The following CDH13 variants were observed in gnomAD, a reference collection of about 807,000 sequenced individuals.
CDH13 encodes the protein cadherin-13.
In CDH13, 24 loss-of-function variants were observed where a neutral mutation model predicts 63.8. The ratio of observed to expected loss-of-function variants is 0.38; its 90% CI spans 0.27 to 0.53. The LOEUF is 0.53. CDH13 is among the 20% of genes least tolerant of loss of function. The pLI is 0.85. For missense variants in CDH13, 1,049 were observed against 903.1 expected (o/e 1.16, Z -2.07); for synonymous variants, 503 against 355.3 (o/e 1.42, Z -4.67).
rs368062630 is a variant in CDH13 at position 82,803,611 on chromosome 16, G to T, written c.46-54751G>T. 6.6e-5 allele frequency among the ~76,000 whole-genome samples: 10 copies of T among 152,274 alleles called. No individual in the cohort carries two copies. The East Asian group carries it at 1.9e-3, about 29-fold the overall frequency. On this transcript the variant is annotated intron_variant, in intron 1 of 13. Transcript: ENST00000567109. Reference sequence around the variant, plus strand: ...TGAAAAGAAGAATAATGAAACTGTGGTATATGCATGCCGTGGGATATCATT... The same window carrying T: ...TGAAAAGAAGAATAATGAAACTGTGTTATATGCATGCCGTGGGATATCATT...
chr16:83,343,291 T>G (rs1410684140), intron 5 of CDH13, among the ~76,000 whole-genome samples: 2 of 152,222 alleles, frequency 1.3e-5, no homozygotes, highest in Non-Finnish European at 2.9e-5. Flanking sequence ...TTTGTGTATT[T>G]TTACTCAATA....
chr16:82,900,854 C>T lies in CDH13; in HGVS notation c.157+42381C>T, dbSNP rs551645883. Among the ~76,000 whole-genome samples, 4 of 152,308 alleles carry T rather than the reference C, an allele frequency of 2.6e-5. No homozygotes were observed. In the South Asian group the frequency reaches 8.3e-4, roughly 32 times the overall value. On this transcript the variant is annotated intron_variant, in intron 2 of 13. Transcript: ENST00000567109. Reference sequence around the variant, plus strand: ...AGAAATTCTATGGCAGAAACTTCCCCAGGCAGGAGACTCAGAATTAATTGT... The same window carrying T: ...AGAAATTCTATGGCAGAAACTTCCCTAGGCAGGAGACTCAGAATTAATTGT...
At chr16:83,678,951 G>A (rs1267041515) in intron 10 of CDH13, among the ~76,000 whole-genome samples, 1 of 152,180 alleles carries the variant, frequency 6.6e-6, no homozygotes, top group Non-Finnish European at 1.5e-5. Context: ...ATGGAAACAG[G>A]ACACTCTGCA....
intron 5 of CDH13, among the ~76,000 whole-genome samples, chr16:83,317,195 C>T (rs554101998): frequency 6.6e-6 from 1 of 152,114 alleles, no homozygotes; most frequent in East Asian, 1.9e-4. Flanking sequence ...ACTGAGAAAC[C>T]CAAAAGCCCA....
At chr16:83,489,761 G>C (rs1234425122) in intron 7 of CDH13, among the ~76,000 whole-genome samples, 1 of 152,056 alleles carries the variant, frequency 6.6e-6, no homozygotes, top group African/African-American at 2.4e-5. Context: ...CCTGTCTTAG[G>C]TGTGGTTTTA....
At chr16:83,681,855 C>T (rs2150876323) in intron 10 of CDH13, among the ~76,000 whole-genome samples, 1 of 151,984 alleles carries the variant, frequency 6.6e-6, no homozygotes, top group East Asian at 1.9e-4. Flanking sequence ...CCCGGCTTCT[C>T]AGACAGATGC....
At chr16:82,948,435 C>T (rs1433961929) in intron 2 of CDH13, among the ~76,000 whole-genome samples, 1 of 152,150 alleles carries the variant, frequency 6.6e-6, no homozygotes, top group Non-Finnish European at 1.5e-5. Flanking sequence ...CTTTAGAGTT[C>T]AGTTTGCTGT....
intron 5 of CDH13, among the ~76,000 whole-genome samples, chr16:83,318,148 T>C (rs1280278931): frequency 2.0e-5 from 3 of 152,240 alleles, no homozygotes; most frequent in Middle Eastern, 3.2e-3. Flanking sequence ...TAAAACATAC[T>C]GAGCATTTAA....
intron 8 of CDH13, among the ~76,000 whole-genome samples, chr16:83,630,964 A>G (rs956778585): frequency 3.3e-5 from 5 of 152,180 alleles, no homozygotes; most frequent in Non-Finnish European, 7.3e-5. Flanking sequence ...GGTCAATAAT[A>G]TATGGCAAGC....
intron 3 of CDH13, 96 bp downstream of exon 3, chr16:83,032,314 A>G (rs1299011350): frequency 2.2e-6 from 2 of 901,410 alleles, no homozygotes; most frequent in Non-Finnish European, 3.4e-6. Flanking sequence ...TATGTTGGCT[A>G]AGATTCCTTT....
chr16:82,840,359 G>C (rs1037380210), intron 1 of CDH13, among the ~76,000 whole-genome samples: 5 of 150,296 alleles, frequency 3.3e-5, no homozygotes, highest in African/African-American at 1.2e-4. Flanking sequence ...GGCTAAAGAG[G>C]GAGGGCCTGA....
intron 7 of CDH13, among the ~76,000 whole-genome samples, chr16:83,543,251 A>C (rs796467268): frequency 2.6e-5 from 4 of 152,376 alleles, no homozygotes; most frequent in African/African-American, 9.6e-5. Flanking sequence ...GCAAATGCTC[A>C]ATAAATGTTG....
intron 6 of CDH13, among the ~76,000 whole-genome samples, chr16:83,467,625 G>A (rs1407230690): frequency 6.6e-6 from 1 of 152,144 alleles, no homozygotes; most frequent in Non-Finnish European, 1.5e-5. Context: ...CTTTCTTTGG[G>A]CACGAGACAC....
chr16:83,383,810 C>A (rs374824838), intron 6 of CDH13, among the ~76,000 whole-genome samples: 1 of 152,148 alleles, frequency 6.6e-6, no homozygotes, highest in South Asian at 2.1e-4. Flanking sequence ...TGAGTGACTT[C>A]CTCAAGGAAC....
chr16:83,041,691 C>A (rs1386988794), intron 3 of CDH13, among the ~76,000 whole-genome samples: 1 of 152,090 alleles, frequency 6.6e-6, no homozygotes, highest in African/African-American at 2.4e-5. Flanking sequence ...GTGGATGATA[C>A]TAAGAGGTAC....
In CDH13 at chr16:83,057,062, G is replaced by C. The variant is rs549070113; in HGVS notation, c.366+24844G>C. Among the ~76,000 whole-genome samples the C allele has an allele frequency of 1.4e-3, 206 of 152,228 alleles. 1 individual carries two copies. Among genetic ancestry groups the C allele is most frequent in the African/African-American group, 4.8e-3 (199 of 41,530 alleles). On this transcript the variant is annotated intron_variant, in intron 3 of 13. Transcript: ENST00000567109. ...GCTCACTGCAACCTCTGACTCCCTG[G>C]TTCAAGTGATTCTCCTGCCTCAGCC...
intron 3 of CDH13, among the ~76,000 whole-genome samples, chr16:83,039,114 G>A (rs1917118302): frequency 1.3e-5 from 2 of 152,322 alleles, no homozygotes; most frequent in African/African-American, 4.8e-5. Flanking sequence ...CATGGCCCAG[G>A]TTCCCACGGA....
chr16:83,719,433 C>T (rs911428255), intron 10 of CDH13, among the ~76,000 whole-genome samples: 5 of 150,368 alleles, frequency 3.3e-5, no homozygotes, highest in Non-Finnish European at 7.4e-5. Flanking sequence ...ACGTCACTCA[C>T]CCACGGCCCT....
At chr16:83,094,134 G>T (rs988489685) in intron 3 of CDH13, among the ~76,000 whole-genome samples, 1 of 152,124 alleles carries the variant, frequency 6.6e-6, no homozygotes, top group Non-Finnish European at 1.5e-5. Flanking sequence ...CAAAATTCTC[G>T]TTGCATGGCT....
Sources: gnomAD v4.1 joint callset for allele counts (sites outside exome capture counted in the v4.1 genomes callset) on GRCh38, gnomAD v4.1.1 for gene constraint, MANE v1.5 for transcripts, NCBI Gene and HGNC (gene_info 2026-07-23, HGNC 2026-07-21) for gene names.